PLEKHM3: variants seen among roughly 807,000 people sequenced by gnomAD.
PLEKHM3 encodes the protein pleckstrin homology domain-containing family M member 3.
A neutral mutation model predicts 81.8 loss-of-function variants in PLEKHM3; 45 were observed. The ratio of observed to expected loss-of-function variants is 0.55; its 90% CI spans 0.43 to 0.71. The LOEUF is 0.71. Ranked by LOEUF, PLEKHM3 falls within the 30% of genes least tolerant of loss-of-function variation. The pLI is 0.00. For missense variants in PLEKHM3, 788 were observed against 924.3 expected (o/e 0.85, Z 1.91); for synonymous variants, 352 against 356.4 (o/e 0.99, Z 0.14).
intron 7 of PLEKHM3, among the ~76,000 whole-genome samples, chr2:207,832,902 A>T (rs2105880841): frequency 6.6e-6 from 1 of 152,046 alleles, no homozygotes; most frequent in East Asian, 1.9e-4. Flanking sequence ...ACCTGAGGTC[A>T]GGAGATCAAG....
chr2:207,878,890 T>C (rs2092572588), intron 6 of PLEKHM3, among the ~76,000 whole-genome samples: 1 of 152,092 alleles, frequency 6.6e-6, no homozygotes, highest in Non-Finnish European at 1.5e-5. Context: ...CTTCTGCCCC[T>C]GGAGGATGAG....
At chr2:207,856,717 C>T (rs898271588) in intron 7 of PLEKHM3, among the ~76,000 whole-genome samples, 3 of 152,130 alleles carry the variant, frequency 2.0e-5, no homozygotes, top group African/African-American at 7.2e-5. Context: ...TACTGAAGGA[C>T]ATCTTGGCTG....
intron 7 of PLEKHM3, among the ~76,000 whole-genome samples, chr2:207,855,770 A>C (rs1039481161): frequency 6.6e-6 from 1 of 152,208 alleles, no homozygotes; most frequent in African/African-American, 2.4e-5. Flanking sequence ...AATACTGACC[A>C]GTACTTCTCA....
chr2:207,901,773 T>C (rs540337319), intron 6 of PLEKHM3, among the ~76,000 whole-genome samples: 5 of 152,354 alleles, frequency 3.3e-5, no homozygotes, highest in South Asian at 2.1e-4. Context: ...AAATAACTTA[T>C]AGTCCTCTTT....
chr2:207,845,888 T>C (rs1177577975), intron 7 of PLEKHM3, among the ~76,000 whole-genome samples: 3 of 152,230 alleles, frequency 2.0e-5, no homozygotes, highest in African/African-American at 7.2e-5. Context: ...TTTGGATTTG[T>C]ATCTAAATCC....
intron 3 of PLEKHM3, among the ~76,000 whole-genome samples, chr2:207,949,497 GC>G (rs1354010296): frequency 1.3e-5 from 2 of 152,188 alleles, no homozygotes; most frequent in African/African-American, 4.8e-5. Context: ...CTGTGATCAT[GC>G]CACTGCACTC....
chr2:207,905,632 T>C (rs1025425970), intron 6 of PLEKHM3, among the ~76,000 whole-genome samples: 1 of 152,244 alleles, frequency 6.6e-6, no homozygotes, highest in Non-Finnish European at 1.5e-5. Context: ...AAATCCAATT[T>C]AACCCACCTC....
chr2:207,968,967 T>C (rs1453073951), intron 3 of PLEKHM3, among the ~76,000 whole-genome samples: 1 of 152,216 alleles, frequency 6.6e-6, no homozygotes, highest in Non-Finnish European at 1.5e-5. Flanking sequence ...TACATACCTA[T>C]TCCCTAACTC....
intron 7 of PLEKHM3, among the ~76,000 whole-genome samples, chr2:207,842,101 C>T (rs946684895): frequency 2.6e-5 from 4 of 152,158 alleles, no homozygotes; most frequent in Non-Finnish European, 4.4e-5. Context: ...CCACGCCCAG[C>T]TAATTTTTTG....
At chr2:207,993,202 G>A (rs1014604186) in intron 2 of PLEKHM3, among the ~76,000 whole-genome samples, 3 of 152,218 alleles carry the variant, frequency 2.0e-5, no homozygotes, top group African/African-American at 7.2e-5. Context: ...GAATCAGAAT[G>A]TGGGCTGTCA....
rs143185535 is a variant in PLEKHM3, at chr2:207,855,353, C to T, written c.2108+5752G>A. Among the ~76,000 whole-genome samples the T allele has an allele frequency of 4.4e-3, 677 of 152,208 alleles. 3 individuals carry two copies. Among genetic ancestry groups the T allele is most frequent in the African/African-American group, 0.014 (598 of 41,534 alleles). On this transcript the variant is annotated intron_variant, in intron 7 of 7. Coordinates refer to ENST00000427836, the MANE Select transcript of PLEKHM3 (RefSeq NM_001080475.3). Reference sequence around the variant, plus strand: ...CTGAACAATAAAATATAGTACTGGGCTGTAACCCAAAGTACAAATGAACTA... The same window carrying T: ...CTGAACAATAAAATATAGTACTGGGTTGTAACCCAAAGTACAAATGAACTA...
At chr2:208,007,526 T>C (rs1692535432) in intron 1 of PLEKHM3, among the ~76,000 whole-genome samples, 1 of 152,186 alleles carries the variant, frequency 6.6e-6, no homozygotes, top group African/African-American at 2.4e-5. Context: ...TGGAATCCCA[T>C]TTTCATAGGT....
chr2:207,977,606 C>T lies in PLEKHM3; in HGVS notation c.611-20G>A. ...TGTGTTCTAGAAAGGAAAAGAGAGGCAAAGTATTGATTAGAATTAGTTATA... is the reference window on the plus strand; with the variant it reads ...TGTGTTCTAGAAAGGAAAAGAGAGGTAAAGTATTGATTAGAATTAGTTATA... On this transcript the variant is annotated intron_variant, in intron 2 of 7. Coordinates refer to ENST00000427836, the MANE Select transcript of PLEKHM3 (RefSeq NM_001080475.3). 6.4e-7 allele frequency: 1 copy of T among 1,567,672 alleles called. No homozygotes were observed. The highest frequency in any genetic ancestry group is 8.7e-7 in the Non-Finnish European group (1 of 1,155,304).
Position 207,828,224 on chromosome 2 carries a change from C to G in PLEKHM3, c.*95G>C. The G allele has an allele frequency of 2.4e-6, 3 of 1,253,128 alleles. No homozygotes were observed. The highest frequency in any genetic ancestry group is 3.3e-6 in the Non-Finnish European group (3 of 898,766). The allele number at this position is 1,253,128 out of a possible 1,614,324, so 77.6% of individuals were successfully genotyped here. On this transcript the variant is annotated 3_prime_UTR_variant, in exon 8 of 8. Transcript: ENST00000427836. ...TATCTAGTTGAAGAGGATACATACT[C>G]TTCTTCCAAAGGGGTCTAACTGGCT...
chr2:207,836,319 A>ATCT (rs1559200942), intron 7 of PLEKHM3, among the ~76,000 whole-genome samples: 1 of 16,144 alleles, frequency 6.2e-5, no homozygotes, highest in Admixed American at 5.4e-4. Context: ...GAGAGAGTCT[A>ATCT]AAAAAAAAAA....
chr2:207,845,219 A>C (rs1258918027), intron 7 of PLEKHM3, among the ~76,000 whole-genome samples: 1 of 152,248 alleles, frequency 6.6e-6, no homozygotes, highest in African/African-American at 2.4e-5. Flanking sequence ...ATGAGGTATT[A>C]CTATCTGTAC....
chr2:207,924,440 T>C (rs1689316798), intron 5 of PLEKHM3, among the ~76,000 whole-genome samples: 1 of 151,724 alleles, frequency 6.6e-6, no homozygotes, highest in African/African-American at 2.4e-5. Flanking sequence ...ATCCCAGCAC[T>C]TGGGGACGCC....
At chr2:207,946,292 C>T in intron 4 of PLEKHM3, 75 bp downstream of exon 4, 2 of 1,498,890 alleles carry the variant, frequency 1.3e-6, no homozygotes, top group East Asian at 2.3e-5. Context: ...GTTTGATCAC[C>T]ATCTTTATAA....
chr2:207,906,697 G>A (rs920609845), intron 6 of PLEKHM3, among the ~76,000 whole-genome samples: 2 of 152,140 alleles, frequency 1.3e-5, no homozygotes, highest in Non-Finnish European at 2.9e-5. Context: ...GCTGAGGCAT[G>A]AGAATTGCTT....
Sources: gnomAD v4.1 joint callset for allele counts (sites outside exome capture counted in the v4.1 genomes callset) on GRCh38, gnomAD v4.1.1 for gene constraint, MANE v1.5 for transcripts, NCBI Gene and HGNC (gene_info 2026-07-23, HGNC 2026-07-21) for gene names.